The following RASA1 variants were observed in gnomAD, a reference collection of about 807,000 sequenced individuals.
RASA1 encodes the protein ras GTPase-activating protein 1.
In RASA1, 25 loss-of-function variants were observed where a neutral mutation model predicts 132.2. The observed-to-expected ratio is 0.19, with a 90% CI of 0.14 to 0.26. The LOEUF (loss-of-function observed/expected upper bound fraction) is 0.26, where lower values mean the gene tolerates loss of function less well. Ranked by LOEUF, RASA1 falls within the 10% of genes least tolerant of loss-of-function variation. RASA1 has a pLI of 1.00. For missense variants in RASA1, 964 were observed against 1,299.2 expected, an observed-to-expected ratio of 0.74 and a Z score of 3.97; for synonymous variants, 477 against 449.9, an observed-to-expected ratio of 1.06 and a Z score of -0.76.
chr5:87,326,334 C>G (rs937881820), intron 1 of RASA1, among the ~76,000 whole-genome samples: 6 of 151,950 alleles, frequency 3.9e-5, no homozygotes, highest in African/African-American at 1.5e-4. Context: ...ATTTCTGTGA[C>G]TTTTTTTAAT....
At chr5:87,380,464 T>C in intron 19 of RASA1, 45 bp from the exon 20 acceptor site, 1 of 1,521,474 alleles carries the variant, frequency 6.6e-7, no homozygotes, top group Non-Finnish European at 9.1e-7. Flanking sequence ...GAGATCAGTG[T>C]TTTCACTTGC....
At chr5:87,273,253 G>A (rs1039168796) in intron 1 of RASA1, among the ~76,000 whole-genome samples, 3 of 152,126 alleles carry the variant, frequency 2.0e-5, no homozygotes, top group African/African-American at 7.2e-5. Context: ...TAGTTTGGTT[G>A]AGGCTGGAAA....
chr5:87,390,764 TTTCA>T, intron 24 of RASA1, 32 bp from the exon 25 acceptor site: 1 of 1,556,770 alleles, frequency 6.4e-7, no homozygotes, highest in Non-Finnish European at 8.9e-7. Context: ...CTGACCGAGC[TTTCA>T]TTTATTTTCA....
At chr5:87,301,272 T>G (rs1446400526) in intron 1 of RASA1, among the ~76,000 whole-genome samples, 1 of 152,178 alleles carries the variant, frequency 6.6e-6, no homozygotes, top group African/African-American at 2.4e-5. Context: ...ATGCTCCCTT[T>G]AGTGTTGAAA....
At position 87,385,315 on chromosome 5, in the gene RASA1, A is replaced by G. The variant is rs140786299; in HGVS notation, c.2773A>G (p.Ile925Val). The change falls in exon 22 of 25, where the codon ATT (isoleucine) becomes GTT (valine). Residue 925 changes from isoleucine to valine, a missense_variant. This residue lies in a region of RASA1 where 107 missense variants were observed against 163.8 expected (regional missense o/e 0.65). Coordinates refer to ENST00000274376, the MANE Select transcript of RASA1 (RefSeq NM_002890.3). ...TTCTGTTACAGATTCTCCATCTCCT[A>G]TTGCTGCAAGAACACTGATATTAGT... is the stretch of plus-strand genomic sequence containing the variant. ...FNIISDSPSP[I>V]AARTLILVAK... is the part of the protein sequence containing the mutation. 3.7e-5 allele frequency: 60 copies of G among 1,608,966 alleles called. 1 individual carries two copies. The highest frequency in any genetic ancestry group is 1.6e-4 in the Middle Eastern group (1 of 6,064).
In RASA1 at chr5:87,343,171, T is replaced by C. The variant is rs576468599; in HGVS notation, c.1049+1850T>C. ...GTAACCTTTGAGATTAAATAGATGG[T>C]ATAACTTTGGTTGAATTTCTTTCCA... is the stretch of plus-strand genomic sequence containing the variant. On this transcript the variant is annotated intron_variant, in intron 6 of 24. Transcript: ENST00000274376. 3.3e-5 allele frequency among the ~76,000 whole-genome samples: 5 copies of C among 152,326 alleles called. 1 individual carries two copies. The South Asian group carries it at 1.0e-3, about 32-fold the overall frequency.
chr5:87,307,785 T>G (rs1397240552), intron 1 of RASA1, among the ~76,000 whole-genome samples: 1 of 152,222 alleles, frequency 6.6e-6, no homozygotes, highest in Non-Finnish European at 1.5e-5. Context: ...TTTATATCTT[T>G]GTTTCATTGA....
At chr5:87,316,156 A>G (rs1365181591) in intron 1 of RASA1, among the ~76,000 whole-genome samples, 2 of 152,238 alleles carry the variant, frequency 1.3e-5, no homozygotes, top group Non-Finnish European at 2.9e-5. Flanking sequence ...AATTACAAGT[A>G]TAAATTTAAA....
At chr5:87,389,867 CTG>C (rs1163807384) in intron 24 of RASA1, among the ~76,000 whole-genome samples, 1 of 151,964 alleles carries the variant, frequency 6.6e-6, no homozygotes. Context: ...TGTCTTTTCT[CTG>C]TCACATACAG....
chr5:87,333,255 T>C lies in RASA1; in HGVS notation c.829-12T>C. The C allele has an allele frequency of 1.2e-6, 2 of 1,610,884 alleles. No homozygotes were observed. Among genetic ancestry groups the C allele is most frequent in the African/African-American group, 1.3e-5 (1 of 74,782 alleles). On this transcript the variant is annotated splice_polypyrimidine_tract_variant and intron_variant, in intron 3 of 24. Transcript: ENST00000274376. ...CTATCTTTTTAAATCTTTTTTTTTT[T>C]ATGGTTTCTAGCCAGTAGAAGATAG... is the stretch of plus-strand genomic sequence containing the variant.
chr5:87,355,804 T>C (rs1294439553), intron 9 of RASA1, among the ~76,000 whole-genome samples: 4 of 152,196 alleles, frequency 2.6e-5, no homozygotes, highest in Admixed American at 2.6e-4. Context: ...AATAACAACA[T>C]TAACAGAAGT....
Position 87,344,780 on chromosome 5 carries a change from A to C in RASA1, c.1050-1892A>C, listed in dbSNP as rs1223358912. Among the ~76,000 whole-genome samples, 8 of 151,110 alleles carry C rather than the reference A, an allele frequency of 5.3e-5. No homozygotes were observed. The East Asian group carries it at 1.6e-3, about 30-fold the overall frequency. ...GTGATCCTCCCACCTTGGCCTTCCA[A>C]AGTGTTGGGATTACAGGTGTGAGCC... On this transcript the variant is annotated intron_variant, in intron 6 of 24. Transcript: ENST00000274376.
chr5:87,284,838 G>A (rs1754473270), intron 1 of RASA1, among the ~76,000 whole-genome samples: 1 of 151,992 alleles, frequency 6.6e-6, no homozygotes, highest in Non-Finnish European at 1.5e-5. Context: ...TCTTCCTTTT[G>A]TATGGTCATT....
chr5:87,358,628 C>A (rs770290116), intron 9 of RASA1, among the ~76,000 whole-genome samples: 3 of 152,164 alleles, frequency 2.0e-5, no homozygotes, highest in Non-Finnish European at 2.9e-5. Flanking sequence ...AATGTCAGAT[C>A]GTGTTACTCC....
intron 1 of RASA1, among the ~76,000 whole-genome samples, chr5:87,274,227 C>A (rs991420979): frequency 1.3e-5 from 2 of 152,126 alleles, no homozygotes; most frequent in African/African-American, 4.8e-5. Context: ...TATGCTGAAC[C>A]TAATATTCAG....
At chr5:87,377,142 A>G in intron 17 of RASA1, 102 bp downstream of exon 17, 2 of 1,411,200 alleles carry the variant, frequency 1.4e-6, no homozygotes, top group Non-Finnish European at 2.0e-6. Context: ...GTTAAATTAT[A>G]TTGCAAAATA....
Position 87,362,612 on chromosome 5 carries a change from G to A in RASA1, c.1394G>A (p.Arg465His), listed in dbSNP as rs181630831. The part of the protein sequence containing the change: ...DGKEIYNTIR[R>H]KTKDAFYKNI... ...AAGGAAATCTATAATACCATCCGTC[G>A]TAAAACAAAGGATGCCTTTTATAAA... Residue 465 changes from arginine (R) to histidine (H), a missense_variant, in exon 10 of 25, where the codon CGT becomes CAT. Physicochemically the swap from Arg to His is conservative, Grantham distance 29. Around this residue, in one of 6 missense-constraint regions of RASA1, gnomAD observed 346 missense variants for 520.1 expected, o/e 0.67. Transcript: ENST00000274376. 879 of 1,597,934 alleles carry A rather than the reference G, an allele frequency of 5.5e-4. 3 individuals are homozygous for A. Among genetic ancestry groups the A allele is most frequent in the Non-Finnish European group, 3.3e-4 (385 of 1,165,592 alleles).
At chr5:87,342,632 A>C (rs1382149420) in intron 6 of RASA1, among the ~76,000 whole-genome samples, 1 of 152,178 alleles carries the variant, frequency 6.6e-6, no homozygotes, top group Non-Finnish European at 1.5e-5. Flanking sequence ...TACTGTCAAA[A>C]AACAACACTG....
intron 1 of RASA1, among the ~76,000 whole-genome samples, chr5:87,315,874 C>CA (rs777666889): frequency 1.3e-5 from 2 of 151,872 alleles, no homozygotes; most frequent in Non-Finnish European, 2.9e-5. Flanking sequence ...AGTTTAATTT[C>CA]AAAAAATGGA....
Sources: allele counts gnomAD v4.1 joint callset (sites outside exome capture counted in the v4.1 genomes callset), GRCh38; gene constraint gnomAD v4.1.1; regional missense constraint gnomAD v4.1.1; transcripts MANE v1.5; gene names NCBI Gene and HGNC (gene_info 2026-07-23, HGNC 2026-07-21).